MYO16: variants seen among roughly 807,000 people sequenced by gnomAD.
MYO16 encodes unconventional myosin-XVI.
A neutral mutation model predicts 205.3 loss-of-function variants in MYO16; 94 were observed. The ratio of observed to expected loss-of-function variants is 0.46; its 90% CI spans 0.39 to 0.54. The LOEUF is 0.54. Among genes scored for constraint, MYO16 ranks in the 20% least tolerant of loss-of-function variants. The pLI is 0.00. For missense variants in MYO16, 2,315 were observed against 2,387.5 expected (o/e 0.97, Z 0.63); for synonymous variants, 988 against 954.0 (o/e 1.04, Z -0.66).
intron 1 of MYO16, among the ~76,000 whole-genome samples, chr13:108,663,202 A>G (rs1484900751): frequency 6.6e-6 from 1 of 152,100 alleles, no homozygotes; most frequent in Non-Finnish European, 1.5e-5. Flanking sequence ...TGGAGCTAAA[A>G]TTCACAATGC....
At position 109,055,463 on chromosome 13, in the gene MYO16, A is replaced by G. The variant is rs1177131655; in HGVS notation, c.3203A>G (p.Asn1068Ser). Residue 1068 changes from asparagine (N) to serine (S), a missense_variant, in exon 27 of 35, where the codon AAC becomes AGC. Around this residue, in one of 3 missense-constraint regions of MYO16, gnomAD observed 5 missense variants for 21.1 expected, o/e 0.24. Coordinates refer to ENST00000457511, the MANE Select transcript of MYO16 (RefSeq NM_001198950.3). The surrounding 1 kb of genome is among the most constrained non-coding windows in gnomAD (Gnocchi z 5.0). ...TTCATTCATTGCATCAGGCCCAATAACTCAAAGCTGCCAGATACTTTTGAT... is the reference window on the plus strand; with the variant it reads ...TTCATTCATTGCATCAGGCCCAATAGCTCAAAGCTGCCAGATACTTTTGAT... ...PHFIHCIRPNNSKLPDTFDNF... is the reference protein window; with the variant it reads ...PHFIHCIRPNSSKLPDTFDNF... 1.2e-6 allele frequency: 2 copies of G among 1,613,056 alleles called. No individual in the cohort carries two copies. Among genetic ancestry groups the G allele is most frequent in the African/African-American group, 2.7e-5 (2 of 74,846 alleles).
chr13:108,575,920 G>A, the MYO16 span, among the ~76,000 whole-genome samples: 3 of 151,912 alleles, frequency 2.0e-5, no homozygotes, highest in Non-Finnish European at 2.9e-5. Context: ...ATCCTTCTAG[G>A]TAGACCCTTT....
chr13:109,013,123 C>A (rs1386824391), intron 22 of MYO16, among the ~76,000 whole-genome samples: 1 of 119,222 alleles, frequency 8.4e-6, no homozygotes, highest in Non-Finnish European at 1.8e-5. Context: ...CACCCCCCCC[C>A]ACCCCACCAC....
At chr13:108,643,646 G>A (rs1566524318) in intron 1 of MYO16, among the ~76,000 whole-genome samples, 1 of 152,148 alleles carries the variant, frequency 6.6e-6, no homozygotes, top group Non-Finnish European at 1.5e-5. Flanking sequence ...CATTTTTATT[G>A]TTGAGTAGGA....
chr13:109,141,491 G>C lies in MYO16; in HGVS notation c.5164+115G>C. The C allele has an allele frequency of 1.4e-6, 1 of 727,070 alleles. No individual in the cohort carries two copies. Among genetic ancestry groups the C allele is most frequent in the Non-Finnish European group, 2.0e-6 (1 of 494,146 alleles). The allele number at this position is 727,070 out of a possible 1,614,324, so 45.0% of individuals were successfully genotyped here. A position where few individuals can be genotyped will look rare whatever the true frequency, so the allele number is the denominator to read the frequency against. ...TAGTAAAGTTTCAGGTGATGGCCGT[G>C]GTCGTTCAGAGCAGATATCAGCTTT... On this transcript the variant is annotated intron_variant, in intron 32 of 34. Coordinates refer to ENST00000457511, the MANE Select transcript of MYO16 (RefSeq NM_001198950.3). This position sits in a 1 kb window ranked among gnomAD's most constrained non-coding sequence, Gnocchi z 4.1.
intron 20 of MYO16, among the ~76,000 whole-genome samples, chr13:108,985,409 G>GT (rs1425229511): frequency 6.6e-6 from 1 of 152,100 alleles, no homozygotes; most frequent in Non-Finnish European, 1.5e-5. Context: ...AGTATTTATC[G>GT]TTTTTGTGGG....
the MYO16 span, among the ~76,000 whole-genome samples, chr13:108,572,011 C>A: frequency 6.6e-6 from 1 of 151,882 alleles, no homozygotes; most frequent in Admixed American, 6.6e-5. Flanking sequence ...CCTTGACCTC[C>A]CAGGCTCAAG....
intron 23 of MYO16, among the ~76,000 whole-genome samples, chr13:109,042,021 C>G (rs1886900555): frequency 6.6e-6 from 1 of 152,084 alleles, no homozygotes; most frequent in Non-Finnish European, 1.5e-5. Context: ...TATACCACCA[C>G]ACCTGGCTAG....
chr13:108,589,167 C>T, the MYO16 span, among the ~76,000 whole-genome samples: 1 of 152,130 alleles, frequency 6.6e-6, no homozygotes. Flanking sequence ...ATTTTTAATA[C>T]CAACTTATTT....
chr13:108,594,103 A>C (rs538642406), upstream of MYO16, among the ~76,000 whole-genome samples: 3 of 152,344 alleles, frequency 2.0e-5, 1 homozygote, highest in South Asian at 6.2e-4. Context: ...CTTGCTGGCT[A>C]ATCTGAGTGA....
intron 32 of MYO16, among the ~76,000 whole-genome samples, chr13:109,155,705 G>A (rs1263742938): frequency 1.3e-5 from 2 of 152,158 alleles, no homozygotes; most frequent in African/African-American, 4.8e-5. Context: ...GATAAAATCT[G>A]TTGCACGTTT....
the MYO16 span, among the ~76,000 whole-genome samples, chr13:108,569,123 A>T: frequency 6.6e-6 from 1 of 152,260 alleles, no homozygotes; most frequent in South Asian, 2.1e-4. Context: ...TGTTACTTTC[A>T]AGATTATTTT....
At chr13:108,595,207 G>A (rs888646710), upstream of MYO16, among the ~76,000 whole-genome samples, 3 of 152,084 alleles carry the variant, frequency 2.0e-5, no homozygotes, top group Non-Finnish European at 4.4e-5. Context: ...TTCTTTCAGG[G>A]ACCAGTCACA....
intron 16 of MYO16, among the ~76,000 whole-genome samples, chr13:108,955,966 A>G (rs1385336752): frequency 6.6e-6 from 1 of 152,158 alleles, no homozygotes; most frequent in Non-Finnish European, 1.5e-5. Flanking sequence ...CCCTAATTCC[A>G]GCGTCTCATT....
chr13:108,753,165 C>T (rs898533728), intron 4 of MYO16, among the ~76,000 whole-genome samples: 10 of 151,590 alleles, frequency 6.6e-5, no homozygotes, highest in South Asian at 4.2e-4. Flanking sequence ...GTCAGCAGTT[C>T]GAGACCAGCC....
intron 23 of MYO16, chr13:109,028,394 TTTTG>T (rs1443947167): frequency 3.1e-6 from 1 of 323,902 alleles, no homozygotes; most frequent in East Asian, 1.1e-4. Flanking sequence ...TAATGTAACA[TTTTG>T]TTTTTCACAG....
At chr13:108,802,420 T>G (rs1308572904) in intron 6 of MYO16, among the ~76,000 whole-genome samples, 4 of 152,202 alleles carry the variant, frequency 2.6e-5, no homozygotes. Flanking sequence ...ATGACAGGGT[T>G]TCTTTCTTTT....
intron 16 of MYO16, among the ~76,000 whole-genome samples, chr13:108,929,117 T>G (rs572953700): frequency 6.6e-6 from 1 of 152,322 alleles, no homozygotes; most frequent in South Asian, 2.1e-4. Context: ...AATGAAATTT[T>G]TAAAAAATCA....
chr13:108,732,800 T>G (rs534282861), intron 4 of MYO16, among the ~76,000 whole-genome samples: 4 of 152,298 alleles, frequency 2.6e-5, no homozygotes, highest in Non-Finnish European at 4.4e-5. Flanking sequence ...TTGTCCAGAC[T>G]AGAAGTGGTG....
Sources: gnomAD v4.1 joint callset for allele counts (sites outside exome capture counted in the v4.1 genomes callset) on GRCh38, gnomAD v4.1.1 for gene constraint, gnomAD v4.1.1 regional missense constraint, Gnocchi (gnomAD v3.1) non-coding constraint, MANE v1.5 for transcripts, NCBI Gene and HGNC (gene_info 2026-07-23, HGNC 2026-07-21) for gene names.